Variants in MTR observed in about 807,000 individuals in gnomAD.
MTR encodes the protein methionine synthase.
In MTR, 84 loss-of-function variants were observed where a neutral mutation model predicts 154.8. That is an observed-to-expected ratio of 0.54 (90% CI 0.45 to 0.65). The LOEUF (loss-of-function observed/expected upper bound fraction) is 0.65. Among genes scored for constraint, MTR ranks in the 30% least tolerant of loss-of-function variants. The pLI is 0.00. For synonymous variants in MTR, 554 were observed against 553.9 expected, an observed-to-expected ratio of 1.00 and a Z score of 0.00; for missense variants, 1,275 against 1,570.2, an observed-to-expected ratio of 0.81 and a Z score of 3.18.
chr1:236,870,466 C>G (rs1260203357), intron 22 of MTR, among the ~76,000 whole-genome samples: 2 of 152,156 alleles, frequency 1.3e-5, no homozygotes, highest in African/African-American at 2.4e-5. Context: ...TTCTTGTCAC[C>G]TGGGGATTTT....
chr1:236,811,687 A>G, intron 5 of MTR: 1 of 456,294 alleles, frequency 2.2e-6, no homozygotes, highest in South Asian at 1.5e-5. Flanking sequence ...CTTGGGCTGT[A>G]CAAGGTGAAG....
intron 25 of MTR, among the ~76,000 whole-genome samples, chr1:236,882,391 ATTTT>A (rs34832362): frequency 0.044 from 5,938 of 134,420 alleles, 359 homozygotes; most frequent in East Asian, 0.21. Flanking sequence ...CCCCTTCACC[ATTTT>A]TTTTTTTTTT....
At chr1:236,797,810 T>G (rs1483774767) in intron 1 of MTR, among the ~76,000 whole-genome samples, 1 of 151,718 alleles carries the variant, frequency 6.6e-6, no homozygotes, top group Non-Finnish European at 1.5e-5. Context: ...AATACAAAAA[T>G]TAGCTGGGTT....
intron 32 of MTR, 124 bp from the exon 33 acceptor site, chr1:236,897,434 T>C (rs1327919581): frequency 1.0e-6 from 1 of 956,430 alleles, no homozygotes; most frequent in African/African-American, 1.6e-5. Context: ...TCCATTTAAC[T>C]CTGTAGATTG....
Position 236,885,169 on chromosome 1 carries a change from A to C in MTR, c.2725A>C (p.Ile909Leu). 2 of 1,610,738 alleles carry C rather than the reference A, an allele frequency of 1.2e-6. No individual in the cohort carries two copies. Among genetic ancestry groups the C allele is most frequent in the Non-Finnish European group, 1.7e-6 (2 of 1,176,944 alleles). ...TCTAAAGGATGAATACTTTGAGGAA[A>C]TCATGGAAGAATATGAAGATATTAG... ...ENLKDEYFEEIMEEYEDIRQD... is the reference protein window; with the variant it reads ...ENLKDEYFEELMEEYEDIRQD... Residue 909 changes from isoleucine to leucine, a missense_variant, in exon 26 of 33, where the codon ATC (isoleucine) becomes CTC (leucine). Coordinates refer to ENST00000366577, the MANE Select transcript of MTR (RefSeq NM_000254.3).
Position 236,891,134 on chromosome 1 carries a change from T to C in MTR, c.3009T>C (p.Gly1003=). The C allele has an allele frequency of 1.2e-6, 2 of 1,614,092 alleles. No homozygotes were observed. The highest frequency in any genetic ancestry group is 1.7e-6 in the Non-Finnish European group (2 of 1,180,002). ...FPKIFNDKTV[G]GEARKVYDDA... ...ATTCTAATTCTGTTTTTCTAATAGG[T>C]GGAGAGGCCAGGAAGGTCTACGATG... The change falls in exon 29 of 33, where the codon GGT becomes GGC. Residue 1003 remains glycine (G), a splice_region_variant and synonymous_variant. Coordinates refer to ENST00000366577, the MANE Select transcript of MTR (RefSeq NM_000254.3).
rs200254683 is a variant in MTR at position 236,832,091 on chromosome 1, A to G, written c.1188+13A>G. On this transcript the variant is annotated intron_variant, in intron 13 of 32. Transcript: ENST00000366577. Reference sequence around the variant, plus strand: ...AGGAAACTATGAAGTGAGCATCTTAATAAGACCCCTGAGGCATCTGCCCAT... The same window carrying G: ...AGGAAACTATGAAGTGAGCATCTTAGTAAGACCCCTGAGGCATCTGCCCAT... 2.5e-6 allele frequency: 4 copies of G among 1,594,200 alleles called. No individual in the cohort carries two copies.
At position 236,838,535 on chromosome 1, in the gene MTR, A is replaced by C. The variant is rs781291450; in HGVS notation, c.1451A>C (p.Lys484Thr). The part of the protein sequence containing the change: ...LKEGEDDFLE[K>T]ARKIKKYGAA... ...GAAGGAGAGGACGACTTCTTGGAGAAGGCCAGGAAGATTAAAAAGTATGGA... is the reference window on the plus strand; with the variant it reads ...GAAGGAGAGGACGACTTCTTGGAGACGGCCAGGAAGATTAAAAAGTATGGA... The change falls in exon 15 of 33, where the codon AAG becomes ACG. Residue 484 changes from lysine (K) to threonine (T), a missense_variant. Physicochemically the swap from Lys to Thr is moderately conservative, Grantham distance 78. Coordinates refer to ENST00000366577, the MANE Select transcript of MTR (RefSeq NM_000254.3). The C allele has an allele frequency of 6.2e-7, 1 of 1,614,160 alleles. No homozygotes were observed. The highest frequency in any genetic ancestry group is 1.1e-5 in the South Asian group (1 of 91,082).
intron 24 of MTR, among the ~76,000 whole-genome samples, chr1:236,879,362 T>C (rs1251395081): frequency 6.6e-6 from 1 of 152,248 alleles, no homozygotes; most frequent in Non-Finnish European, 1.5e-5. Context: ...AAAATACAAT[T>C]GCATTAAATA....
rs1329841642 is a variant in MTR, at chr1:236,898,398, GTTTT to G, written c.*755_*758del. ...GTTAACATTTTTTTTGTTTTGTTTT[GTTTT>G]GGTTTTTTTTTTTTTGAGACAGAGT... On this transcript the variant is annotated 3_prime_UTR_variant, in exon 33 of 33. Transcript: ENST00000366577. The G allele has an allele frequency of 5.1e-5, 5 of 98,974 alleles. No homozygotes were observed. Among genetic ancestry groups the G allele is most frequent in the Non-Finnish European group, 7.5e-5 (4 of 53,388 alleles). The allele number at this position is 98,974 out of a possible 1,614,324, so 6.1% of individuals were successfully genotyped here.
rs1190034805 is a variant in MTR at position 236,901,476 on chromosome 1, C to G, written c.*3832C>G. On this transcript the variant is annotated 3_prime_UTR_variant, in exon 33 of 33. Transcript: ENST00000366577. ...TATTTTAACCCAACTTCCAGGGAGA[C>G]TGAATTTCTTCTGCCAGTCAGTAAC... 6.6e-6 allele frequency: 1 copy of G among 152,246 alleles called. No individual in the cohort carries two copies. Among genetic ancestry groups the G allele is most frequent in the Non-Finnish European group, 1.5e-5 (1 of 68,088 alleles). 9.4% of individuals were successfully genotyped at this position (152,246 alleles called of 1,614,324 possible). A position where few individuals can be genotyped will look rare whatever the true frequency, so the allele number is the denominator to read the frequency against.
chr1:236,891,443 C>A, intron 29 of MTR, 114 bp downstream of exon 29: 3 of 1,106,220 alleles, frequency 2.7e-6, no homozygotes, highest in Non-Finnish European at 4.0e-6. Context: ...AATGACCAAT[C>A]ACATGCCCAA....
rs115967936 is a variant in MTR at position 236,801,831 on chromosome 1, G to A, written c.35-1597G>A. ...TGTTGAAGGTGTTTGAGCAGGGGAA[G>A]CAACTGGTTTAAAATTGTTGTATAG... On this transcript the variant is annotated intron_variant, in intron 1 of 32. Transcript: ENST00000366577. Among the ~76,000 whole-genome samples, 217 of 152,318 alleles carry A rather than the reference G, an allele frequency of 1.4e-3. 1 individual carries two copies. Among genetic ancestry groups the A allele is most frequent in the African/African-American group, 4.7e-3 (195 of 41,572 alleles).
chr1:236,861,097 C>CTTTTTTTTTTTTTTTTTCTTTTTT, intron 19 of MTR, 28 bp from the exon 20 acceptor site: 2 of 1,156,660 alleles, frequency 1.7e-6, no homozygotes, highest in East Asian at 2.9e-5. Flanking sequence ...CTTTCTTTTT[C>CTTTTTTTTTTTTTTTTTCTTTTTT]TTTTTTTTTT....
intron 21 of MTR, among the ~76,000 whole-genome samples, chr1:236,863,141 G>A (rs569582502): frequency 2.0e-5 from 3 of 152,240 alleles, no homozygotes; most frequent in South Asian, 2.1e-4. Flanking sequence ...ATGGCTAACC[G>A]TAAACATTTG....
At chr1:236,810,771 T>C (rs1205968779) in intron 5 of MTR, among the ~76,000 whole-genome samples, 176 bp downstream of exon 5, 1 of 152,182 alleles carries the variant, frequency 6.6e-6, no homozygotes, top group Non-Finnish European at 1.5e-5. Context: ...AAATAGAAAG[T>C]TAGCTATGAT....
chr1:236,901,288 A>T lies in MTR; in HGVS notation c.*3644A>T, dbSNP rs1461137999. 6.6e-6 allele frequency: 1 copy of T among 152,584 alleles called. No homozygotes were observed. Among genetic ancestry groups the T allele is most frequent in the African/African-American group, 2.4e-5 (1 of 41,428 alleles). The allele number at this position is 152,584 out of a possible 1,614,324, so 9.5% of individuals were successfully genotyped here. On this transcript the variant is annotated 3_prime_UTR_variant, in exon 33 of 33. Coordinates refer to ENST00000366577, the MANE Select transcript of MTR (RefSeq NM_000254.3). The stretch of plus-strand genomic sequence containing the variant: ...CTGTTGGCACACAGCTGGCTTTGCT[A>T]GGTTGAAGACAATGGGAGGTGTGGA...
chr1:236,812,605 A>C, intron 5 of MTR, 133 bp from the exon 6 acceptor site: 3 of 771,250 alleles, frequency 3.9e-6, no homozygotes, highest in Non-Finnish European at 6.9e-6. Context: ...GTTTCTTACA[A>C]AAGATCATGT....
At chr1:236,876,894 A>G (rs1458484404) in intron 24 of MTR, among the ~76,000 whole-genome samples, 10 of 152,214 alleles carry the variant, frequency 6.6e-5, no homozygotes, top group Admixed American at 2.6e-4. Context: ...GGGAAACTGT[A>G]AATGTGTTTG....
Sources: allele counts gnomAD v4.1 joint callset (sites outside exome capture counted in the v4.1 genomes callset), GRCh38; gene constraint gnomAD v4.1.1; transcripts MANE v1.5; gene names NCBI Gene and HGNC (gene_info 2026-07-23, HGNC 2026-07-21).